Variants in PDZD2 observed in about 807,000 individuals in gnomAD.
PDZD2 encodes the protein PDZ domain containing 2, also known as PDZ domain-containing protein 2.
A neutral mutation model predicts 220.7 loss-of-function variants in PDZD2; 90 were observed. The observed-to-expected ratio is 0.41, with a 90% CI of 0.34 to 0.49. PDZD2 has a LOEUF of 0.49. Among genes scored for constraint, PDZD2 ranks in the 20% least tolerant of loss-of-function variants. The probability of loss-of-function intolerance (pLI) is 0.28; values close to 1 mark genes in which losing one functional copy is unlikely to be tolerated. For missense variants in PDZD2, 3,174 were observed against 3,608.5 expected (o/e 0.88, Z 3.08); for synonymous variants, 1,375 against 1,450.5 (o/e 0.95, Z 1.18).
intron 2 of PDZD2, among the ~76,000 whole-genome samples, 166 bp from the exon 3 acceptor site, chr5:31,982,989 A>G (rs1455073334): frequency 6.6e-6 from 1 of 152,164 alleles, no homozygotes; most frequent in African/African-American, 2.4e-5. Flanking sequence ...CAATTATTAC[A>G]TAGATGAAAA....
intron 1 of PDZD2, among the ~76,000 whole-genome samples, chr5:31,796,778 G>A (rs1754051901): frequency 6.6e-6 from 1 of 152,138 alleles, no homozygotes; most frequent in Admixed American, 6.5e-5. Flanking sequence ...ATAAATGTTC[G>A]ATAAATACTT....
chr5:31,695,204 C>G (rs1747329118), intron 1 of PDZD2, among the ~76,000 whole-genome samples: 1 of 152,118 alleles, frequency 6.6e-6, no homozygotes, highest in Admixed American at 6.5e-5. Flanking sequence ...CTGATTCTTC[C>G]AAGTCCACCT....
intron 2 of PDZD2, among the ~76,000 whole-genome samples, chr5:31,932,872 T>G (rs549343783): frequency 6.6e-6 from 1 of 151,862 alleles, no homozygotes; most frequent in Non-Finnish European, 1.5e-5. Context: ...GTTTGTCCTT[T>G]TATAACTGGC....
chr5:31,895,259 C>T (rs776829414), intron 2 of PDZD2, among the ~76,000 whole-genome samples: 1 of 152,284 alleles, frequency 6.6e-6, no homozygotes, highest in Admixed American at 6.5e-5. Context: ...TGTTGAAATC[C>T]TAACCCTGAA....
chr5:31,704,511 C>T (rs540422922), intron 1 of PDZD2, among the ~76,000 whole-genome samples: 2 of 152,298 alleles, frequency 1.3e-5, no homozygotes, highest in East Asian at 1.9e-4. Flanking sequence ...ATAATAAGTG[C>T]ATCCATCCAG....
intron 3 of PDZD2, among the ~76,000 whole-genome samples, chr5:31,993,422 A>G (rs1751389948): frequency 6.6e-6 from 1 of 152,222 alleles, no homozygotes; most frequent in Non-Finnish European, 1.5e-5. Context: ...CTGTCTGCTA[A>G]TAATTTCCCC....
intron 6 of PDZD2, among the ~76,000 whole-genome samples, chr5:32,020,028 A>T (rs886744616): frequency 6.6e-6 from 1 of 151,330 alleles, no homozygotes; most frequent in African/African-American, 2.4e-5. Context: ...AATGTAAAGT[A>T]GAATATATAT....
intron 1 of PDZD2, among the ~76,000 whole-genome samples, chr5:31,700,498 C>G (rs1272775994): frequency 2.6e-5 from 4 of 152,160 alleles, no homozygotes; most frequent in Non-Finnish European, 5.9e-5. Context: ...CCATGTCCTG[C>G]TTAGGTGGCC....
At chr5:31,934,049 G>A (rs2150395049) in intron 2 of PDZD2, among the ~76,000 whole-genome samples, 1 of 152,240 alleles carries the variant, frequency 6.6e-6, no homozygotes, top group Middle Eastern at 3.4e-3. Context: ...TGAGAGAATG[G>A]GACAAAGAGA....
intron 2 of PDZD2, among the ~76,000 whole-genome samples, chr5:31,844,693 C>T (rs1757496848): frequency 6.6e-6 from 1 of 152,178 alleles, no homozygotes; most frequent in African/African-American, 2.4e-5. Context: ...AAGGCACCAG[C>T]CCCTGCTAGA....
At chr5:32,085,469 C>T (rs562193864) in intron 19 of PDZD2, among the ~76,000 whole-genome samples, 9 of 147,146 alleles carry the variant, frequency 6.1e-5, no homozygotes, top group Non-Finnish European at 1.0e-4. Flanking sequence ...TTTTTTGAGA[C>T]GGAGTCTTGC....
intron 1 of PDZD2, among the ~76,000 whole-genome samples, chr5:31,773,140 G>C (rs1426203756): frequency 6.6e-6 from 1 of 152,120 alleles, no homozygotes; most frequent in Non-Finnish European, 1.5e-5. Flanking sequence ...GGAGCATGTA[G>C]GAAGTAGGAA....
At chr5:32,007,153 C>T (rs1165391294) in intron 5 of PDZD2, among the ~76,000 whole-genome samples, 1 of 151,710 alleles carries the variant, frequency 6.6e-6, no homozygotes, top group Non-Finnish European at 1.5e-5. Flanking sequence ...CTCCTGACCT[C>T]GTGATCCACC....
Position 31,691,527 on chromosome 5 carries a change from C to G in PDZD2, c.-361+52090C>G, listed in dbSNP as rs202178853. On this transcript the variant is annotated intron_variant, in intron 1 of 24. Transcript: ENST00000438447. ...GCGCCACCTGCTTTTATTCTCTTAT[C>G]TGGCGCCACCTGCTTTTATTCTCTT... Among the ~76,000 whole-genome samples, 73 of 105,922 alleles carry G rather than the reference C, an allele frequency of 6.9e-4. 4 individuals carry two copies. The highest frequency in any genetic ancestry group is 2.5e-3 in the African/African-American group (55 of 21,660). 69.5% of individuals were successfully genotyped at this position (105,922 alleles called of 152,430 possible). A position where few individuals can be genotyped will look rare whatever the true frequency, so the allele number is the denominator to read the frequency against.
chr5:32,024,439 T>C (rs1171434662), intron 6 of PDZD2, among the ~76,000 whole-genome samples: 2 of 152,034 alleles, frequency 1.3e-5, no homozygotes, highest in South Asian at 2.1e-4. Flanking sequence ...TCCCAGTACT[T>C]CGGGAGGCCA....
chr5:31,715,282 G>A (rs1241946298), intron 1 of PDZD2, among the ~76,000 whole-genome samples: 2 of 152,150 alleles, frequency 1.3e-5, no homozygotes, highest in Non-Finnish European at 2.9e-5. Flanking sequence ...TTCAAGATTA[G>A]ATTGGTTCTT....
intron 6 of PDZD2, among the ~76,000 whole-genome samples, chr5:32,033,807 T>C (rs2112206086): frequency 6.6e-6 from 1 of 152,168 alleles, no homozygotes; most frequent in East Asian, 1.9e-4. Flanking sequence ...TTAGTAGAGA[T>C]GGGGTTTCGC....
At chr5:31,880,556 T>C (rs1426497023) in intron 2 of PDZD2, among the ~76,000 whole-genome samples, 1 of 152,154 alleles carries the variant, frequency 6.6e-6, no homozygotes, top group African/African-American at 2.4e-5. Flanking sequence ...GAGATCAAAA[T>C]CTGATCTGCA....
chr5:31,799,272 C>T lies in PDZD2; in HGVS notation c.24C>T (p.Ala8=), dbSNP rs772685777. 3.7e-6 allele frequency: 6 copies of T among 1,608,092 alleles called. No homozygotes were observed. Among genetic ancestry groups the T allele is most frequent in the East Asian group, 2.2e-5 (1 of 44,814 alleles). ...CCATGCCCATCACCCAGGACAATGCCGTGCTGCACCTGCCCCTCCTCTACC... is the reference window on the plus strand; with the variant it reads ...CCATGCCCATCACCCAGGACAATGCTGTGCTGCACCTGCCCCTCCTCTACC... MPITQDN[A]VLHLPLLYQW... Residue 8 remains alanine (A), a synonymous_variant, in exon 2 of 25, where the codon GCC becomes GCT. Coordinates refer to ENST00000438447, the MANE Select transcript of PDZD2 (RefSeq NM_178140.4).
Sources: gnomAD v4.1 joint callset for allele counts (sites outside exome capture counted in the v4.1 genomes callset) on GRCh38, gnomAD v4.1.1 for gene constraint, MANE v1.5 for transcripts, NCBI Gene and HGNC (gene_info 2026-07-23, HGNC 2026-07-21) for gene names.